Variants in ABCA5 observed in about 807,000 individuals in gnomAD.
ABCA5 encodes ATP binding cassette subfamily A member 5, also known as cholesterol transporter ABCA5.
In ABCA5, 163 loss-of-function variants were observed where a neutral mutation model predicts 206.0. That is an observed-to-expected ratio of 0.79 (90% CI 0.70 to 0.90). The LOEUF (loss-of-function observed/expected upper bound fraction) is 0.90. ABCA5 is among the 40% of genes least tolerant of loss of function. The pLI, the probability that ABCA5 is intolerant of heterozygous loss-of-function variation, is 0.00. For synonymous variants in ABCA5, 609 were observed against 613.8 expected, an observed-to-expected ratio of 0.99 and a Z score of 0.11; for missense variants, 1,859 against 1,912.9, an observed-to-expected ratio of 0.97 and a Z score of 0.53.
rs1200040848 is a variant in ABCA5, at chr17:69,245,121, A to G, written c.*2416T>C. On this transcript the variant is annotated 3_prime_UTR_variant, in exon 39 of 39. Transcript: ENST00000392676. Reference sequence around the variant, plus strand: ...AATACTGACCTAAGATAATTTGTGCAAATTTAAAAGAAAAAAATTATTTTA... The same window carrying G: ...AATACTGACCTAAGATAATTTGTGCGAATTTAAAAGAAAAAAATTATTTTA... The G allele has an allele frequency of 6.6e-6, 1 of 151,620 alleles. No individual in the cohort carries two copies. Among genetic ancestry groups the G allele is most frequent in the Non-Finnish European group, 1.5e-5 (1 of 67,762 alleles). The allele number at this position is 151,620 out of a possible 1,614,324, so 9.4% of individuals were successfully genotyped here. A position where few individuals can be genotyped will look rare whatever the true frequency, so the allele number is the denominator to read the frequency against.
chr17:69,260,400 T>C lies in ABCA5; in HGVS notation c.3577A>G (p.Asn1193Asp), dbSNP rs913481619. ...LISFIKISWK[N>D]VRKNVDTYNP... is the part of the protein sequence containing the mutation. The stretch of plus-strand genomic sequence containing the variant: ...TAGGTGTCCACATTTTTTCGTACAT[T>C]CTTCCAAGAAATCTAAGACAAAAAG... Residue 1193 changes from asparagine to aspartate, a missense_variant, in exon 27 of 39, where the codon AAT becomes GAT. Asn to Asp is a conservative substitution (Grantham distance 23). Transcript: ENST00000392676. 6.2e-7 allele frequency: 1 copy of C among 1,604,234 alleles called. No homozygotes were observed. The highest frequency in any genetic ancestry group is 1.3e-5 in the African/African-American group (1 of 74,702).
rs1021263263 is a variant in ABCA5, at chr17:69,273,793, A to G, written c.2764+166T>C. ...TATTTGTAAACCAAAATTTACTGTA[A>G]TATATTCTTCAGCATCAATAAGATA... On this transcript the variant is annotated intron_variant, in intron 20 of 38. Transcript: ENST00000392676. 2.2e-5 allele frequency: 14 copies of G among 626,916 alleles called. No homozygotes were observed. The African/African-American group carries it at 2.7e-4, about 12-fold the overall frequency. 38.8% of individuals were successfully genotyped at this position (626,916 alleles called of 1,614,324 possible).
intron 22 of ABCA5, among the ~76,000 whole-genome samples, chr17:69,268,517 C>T (rs760038618): frequency 1.3e-5 from 2 of 151,854 alleles, no homozygotes; most frequent in Non-Finnish European, 2.9e-5. Context: ...AGAACTTCTT[C>T]TCCCAAGCAG....
intron 20 of ABCA5, among the ~76,000 whole-genome samples, chr17:69,271,820 C>A (rs1365489161): frequency 6.6e-6 from 1 of 152,160 alleles, no homozygotes; most frequent in Non-Finnish European, 1.5e-5. Context: ...ACATCACTCC[C>A]TAGAGAATTT....
At position 69,289,281 on chromosome 17, in the gene ABCA5, G is replaced by C. The variant is rs1384309218; in HGVS notation, c.1798C>G (p.Leu600Val). 1.3e-6 allele frequency: 2 copies of C among 1,588,770 alleles called. No individual in the cohort carries two copies. Among genetic ancestry groups the C allele is most frequent in the Non-Finnish European group, 1.7e-6 (2 of 1,170,058 alleles). ...TTGATAGTCTGCATGTCTAAATCTA[G>C]TAAAACCTTCTGCACCTGTAAAAGT... ...NIIQEVQKVL[L>V]DLDMQTIKDN... The change falls in exon 14 of 39, where the codon CTA becomes GTA. Residue 600 changes from leucine (L) to valine (V), a missense_variant. Transcript: ENST00000392676.
chr17:69,322,672 T>C (rs934784643), intron 1 of ABCA5, among the ~76,000 whole-genome samples: 2 of 152,012 alleles, frequency 1.3e-5, no homozygotes, highest in Non-Finnish European at 2.9e-5. Flanking sequence ...ATGATACCAT[T>C]ATCTCCTTCA....
intron 9 of ABCA5, among the ~76,000 whole-genome samples, chr17:69,298,316 G>GAGGAAGGAAGGAAAGA (rs2075612852): frequency 2.4e-5 from 1 of 42,058 alleles, no homozygotes; most frequent in Non-Finnish European, 6.3e-5. Context: ...AAGAGAGAGA[G>GAGGAAGGAAGGAAAGA]AGGAAGGAAG....
Position 69,264,802 on chromosome 17 carries a change from A to G in ABCA5, c.3248T>C (p.Leu1083Ser). ...DIPLFFIILI[L>S]MLGSLLAFHY... ...AAATGCCAATAAGCTTCCTAGCATC[A>G]AAATAAGAATGATAAAAAATAAGGG... The change falls in exon 24 of 39, where the codon TTG (leucine) becomes TCG (serine). Residue 1083 changes from leucine to serine, a missense_variant. Transcript: ENST00000392676. 2 of 1,599,472 alleles carry G rather than the reference A, an allele frequency of 1.3e-6. No individual in the cohort carries two copies. Among genetic ancestry groups the G allele is most frequent in the Non-Finnish European group, 1.7e-6 (2 of 1,173,124 alleles).
chr17:69,323,353 A>T (rs2075878733), intron 1 of ABCA5, among the ~76,000 whole-genome samples: 1 of 152,202 alleles, frequency 6.6e-6, no homozygotes, highest in Admixed American at 6.5e-5. Flanking sequence ...ACGAAAAATG[A>T]TGTAACCCTG....
Position 69,256,271 on chromosome 17 carries a change from C to CTATACCTATTTTTAGATATAT in ABCA5, c.3743_3744insATATATCTAAAAATAGGTATA (p.Thr1248_Lys1249insTyrIleTer). On this transcript the variant is annotated stop_gained and inframe_insertion, in exon 29 of 39. Transcript: ENST00000392676. LOFTEE classifies it high-confidence loss of function. The stretch of plus-strand genomic sequence containing the variant: ...CTGGAAGCTTCCTATTTTTAGACTT[C>CTATACCTATTTTTAGATATAT]GTTGAAAGGTTTCTACATATATATA... 2.5e-6 allele frequency: 4 copies of CTATACCTATTTTTAGATATAT among 1,594,266 alleles called. No homozygotes were observed. Among genetic ancestry groups the CTATACCTATTTTTAGATATAT allele is most frequent in the Non-Finnish European group, 3.4e-6 (4 of 1,168,208 alleles).
At chr17:69,320,956 G>A (rs1567787170) in intron 1 of ABCA5, among the ~76,000 whole-genome samples, 3 of 152,226 alleles carry the variant, frequency 2.0e-5, no homozygotes, top group South Asian at 2.1e-4. Flanking sequence ...ACAATTGGTC[G>A]AGAGATTATA....
chr17:69,262,450 A>G (rs192987558), intron 24 of ABCA5, among the ~76,000 whole-genome samples: 10 of 151,998 alleles, frequency 6.6e-5, no homozygotes, highest in African/African-American at 1.9e-4. Context: ...TGTTTACCCA[A>G]TTTAGCTCCC....
intron 18 of ABCA5, among the ~76,000 whole-genome samples, chr17:69,283,215 C>T (rs2075415396): frequency 1.3e-5 from 2 of 151,978 alleles, no homozygotes; most frequent in Admixed American, 6.6e-5. Flanking sequence ...AACTCCTGGG[C>T]TCAAGCGATC....
intron 14 of ABCA5, 66 bp downstream of exon 14, chr17:69,289,111 T>A (rs2075495977): frequency 6.7e-7 from 1 of 1,502,250 alleles, no homozygotes; most frequent in Non-Finnish European, 9.0e-7. Flanking sequence ...TATATCTTTC[T>A]ACAACCTGCT....
At chr17:69,287,337 T>C (rs2075468101) in intron 15 of ABCA5, among the ~76,000 whole-genome samples, 2 of 152,192 alleles carry the variant, frequency 1.3e-5, no homozygotes, top group Admixed American at 1.3e-4. Context: ...TTTGCTAACT[T>C]AGCTTTGTAT....
Position 69,247,612 on chromosome 17 carries a change from C to T in ABCA5, c.4854G>A (p.Glu1618=). The change falls in exon 39 of 39, where the codon GAG becomes GAA. Residue 1618 remains glutamate, a synonymous_variant. Transcript: ENST00000392676. The stretch of plus-strand genomic sequence containing the variant: ...TTAAAGTTCCACAACTATTATCTTC[C>T]TCCTCTTGTTCTTTAGTGAGTTCTA... ...VFVELTKEQE[E]EDNSCGTLNS... 6.2e-7 allele frequency: 1 copy of T among 1,610,870 alleles called. No individual in the cohort carries two copies.
chr17:69,286,363 A>G (rs976494252), intron 15 of ABCA5, 52 bp from the exon 16 acceptor site: 1 of 1,472,916 alleles, frequency 6.8e-7, no homozygotes, highest in East Asian at 2.3e-5. Context: ...AGCATTAATA[A>G]TTGGCATTTA....
chr17:69,302,946 T>G, intron 7 of ABCA5, 40 bp from the exon 8 acceptor site: 1 of 1,094,964 alleles, frequency 9.1e-7, no homozygotes, highest in Admixed American at 3.2e-5. Flanking sequence ...AATGTTCATA[T>G]ATACCAGTAT....
At position 69,318,924 on chromosome 17, in the gene ABCA5, G is replaced by C. The variant is rs1179822592; in HGVS notation, c.-15-4494C>G. 6.1e-6 allele frequency: 4 copies of C among 653,580 alleles called. No homozygotes were observed. In the East Asian group the frequency reaches 1.2e-4, roughly 19 times the overall value. The allele number at this position is 653,580 out of a possible 1,614,324, so 40.5% of individuals were successfully genotyped here. ...AATATTGGAATGGTGGTAATGCGAT[G>C]TAATGGCATCATCATGTTAGAAGCC... On this transcript the variant is annotated intron_variant, in intron 1 of 38. Coordinates refer to ENST00000392676, the MANE Select transcript of ABCA5 (RefSeq NM_172232.4).
Sources: gnomAD v4.1 joint callset for allele counts (sites outside exome capture counted in the v4.1 genomes callset) on GRCh38, gnomAD v4.1.1 for gene constraint, MANE v1.5 for transcripts, NCBI Gene and HGNC (gene_info 2026-07-23, HGNC 2026-07-21) for gene names.